MTHFD1: variants seen among roughly 807,000 people sequenced by gnomAD.
The protein encoded by MTHFD1 is C-1-tetrahydrofolate synthase, cytoplasmic.
MTHFD1 carries 44 observed loss-of-function variants against 110.3 expected under a neutral mutation model. That is an observed-to-expected ratio of 0.40 (90% confidence interval 0.31 to 0.51). MTHFD1 has a LOEUF of 0.51. MTHFD1 is among the 20% of genes least tolerant of loss of function. The pLI is 0.60. For missense variants in MTHFD1, 909 were observed against 1,173.1 expected, an observed-to-expected ratio of 0.77 and a Z score of 3.29; for synonymous variants, 402 against 428.8, an observed-to-expected ratio of 0.94 and a Z score of 0.77.
chr14:64,392,345 A>G (rs2077813316), intron 1 of MTHFD1, among the ~76,000 whole-genome samples: 1 of 152,168 alleles, frequency 6.6e-6, no homozygotes, highest in African/African-American at 2.4e-5. Context: ...TTAGTGTTGG[A>G]AGACCCACCT....
chr14:64,434,822 T>G (rs1006290793), intron 15 of MTHFD1, among the ~76,000 whole-genome samples: 11 of 115,196 alleles, frequency 9.5e-5, no homozygotes, highest in Admixed American at 7.3e-4. Flanking sequence ...ATGAATTCTG[T>G]TTTTTTTTTT....
In MTHFD1 at chr14:64,460,020, T is replaced by A; in HGVS notation, c.*266T>A. ...CAAGTTTGCCATCTTGGTGTTGCAA[T>A]ATGAATTACAGCCTTAACAGACTGT... is the stretch of plus-strand genomic sequence containing the variant. On this transcript the variant is annotated 3_prime_UTR_variant, in exon 28 of 28. Transcript: ENST00000652337. 8.8e-7 allele frequency: 1 copy of A among 1,135,840 alleles called. No homozygotes were observed. Among genetic ancestry groups the A allele is most frequent in the Non-Finnish European group, 1.2e-6 (1 of 802,068 alleles). 70.4% of individuals were successfully genotyped at this position (1,135,840 alleles called of 1,614,324 possible).
intron 1 of MTHFD1, among the ~76,000 whole-genome samples, chr14:64,394,181 G>T (rs1596528802): frequency 6.6e-6 from 1 of 152,142 alleles, no homozygotes; most frequent in Non-Finnish European, 1.5e-5. Flanking sequence ...CCACAGTCAA[G>T]ATTCCTCAGC....
intron 11 of MTHFD1, among the ~76,000 whole-genome samples, chr14:64,426,574 G>A (rs779423696): frequency 6.6e-5 from 10 of 152,124 alleles, no homozygotes; most frequent in Non-Finnish European, 1.3e-4. Context: ...AAGTTCAAGC[G>A]GTTCTCCTGC....
At chr14:64,415,551 C>A in intron 5 of MTHFD1, 57 bp downstream of exon 5, 1 of 1,613,440 alleles carries the variant, frequency 6.2e-7, no homozygotes, top group South Asian at 1.1e-5. Context: ...TAATATGTTT[C>A]TATTTGGGGA....
intron 2 of MTHFD1, among the ~76,000 whole-genome samples, chr14:64,401,446 G>T (rs968038982): frequency 5.9e-5 from 9 of 152,194 alleles, no homozygotes; most frequent in African/African-American, 2.2e-4. Context: ...GCTCCTGCCT[G>T]TAATCCAGCA....
chr14:64,397,178 TATATATATATATAAAA>T (rs1566553194), intron 1 of MTHFD1, among the ~76,000 whole-genome samples: 31 of 15,316 alleles, frequency 2.0e-3, no homozygotes, highest in Admixed American at 3.0e-3. Flanking sequence ...TATATATATA[TATATATATATATAAAA>T]AACAGTAATC....
At chr14:64,441,859 C>T in intron 19 of MTHFD1, 195 bp from the exon 20 acceptor site, 1 of 654,708 alleles carries the variant, frequency 1.5e-6, no homozygotes, top group South Asian at 1.7e-5. Flanking sequence ...ACCTTCTCCA[C>T]TTGCTCATCT....
At chr14:64,444,877 G>A in intron 22 of MTHFD1, 143 bp downstream of exon 22, 2 of 819,970 alleles carry the variant, frequency 2.4e-6, no homozygotes, top group Non-Finnish European at 4.2e-6. Context: ...GTGTGCTGAG[G>A]AGTTATATTA....
At chr14:64,393,419 A>G (rs55790839) in intron 1 of MTHFD1, among the ~76,000 whole-genome samples, 58 of 152,244 alleles carry the variant, frequency 3.8e-4, no homozygotes, top group Non-Finnish European at 7.5e-4. Flanking sequence ...GAAAGAAAAA[A>G]AAAAAAAATT....
intron 15 of MTHFD1, among the ~76,000 whole-genome samples, chr14:64,432,750 G>A (rs1485576791): frequency 1.3e-5 from 2 of 152,068 alleles, no homozygotes; most frequent in African/African-American, 2.4e-5. Context: ...GAGGTGTTTT[G>A]TTTTGTTTTT....
intron 1 of MTHFD1, among the ~76,000 whole-genome samples, chr14:64,399,703 T>C (rs1347445433): frequency 1.3e-5 from 2 of 151,822 alleles, no homozygotes; most frequent in Admixed American, 6.6e-5. Context: ...TCACATCTAC[T>C]TGAGGCCTGG....
chr14:64,443,606 C>G (rs1379310928), intron 21 of MTHFD1, among the ~76,000 whole-genome samples: 1 of 152,186 alleles, frequency 6.6e-6, no homozygotes, highest in Non-Finnish European at 1.5e-5. Flanking sequence ...GCCATAACAA[C>G]CCCAGCACCC....
intron 2 of MTHFD1, among the ~76,000 whole-genome samples, chr14:64,404,292 C>T (rs12886138): frequency 0.31 from 47,072 of 152,070 alleles, 8,954 homozygotes; most frequent in South Asian, 0.45. Flanking sequence ...CTTGTTGTTG[C>T]TCATCACCCT....
chr14:64,397,160 T>A (rs1566553088), intron 1 of MTHFD1, among the ~76,000 whole-genome samples: 10 of 10,082 alleles, frequency 9.9e-4, no homozygotes, highest in Admixed American at 1.4e-3. Context: ...TATATATATA[T>A]ATATATATAT....
intron 1 of MTHFD1, among the ~76,000 whole-genome samples, chr14:64,392,165 A>G (rs948317300): frequency 2.0e-4 from 31 of 152,258 alleles, no homozygotes; most frequent in African/African-American, 7.2e-4. Flanking sequence ...AGCCTGTGCC[A>G]TAGACCTTTG....
At chr14:64,406,151 G>C (rs1434159696) in intron 2 of MTHFD1, among the ~76,000 whole-genome samples, 1 of 151,414 alleles carries the variant, frequency 6.6e-6, no homozygotes, top group Non-Finnish European at 1.5e-5. Context: ...TGATTCTCCT[G>C]CCTCAGCCTC....
At position 64,424,851 on chromosome 14, in the gene MTHFD1, G is replaced by C; in HGVS notation, c.775G>C (p.Asp259His). Residue 259 changes from aspartate (D) to histidine (H), a missense_variant, in exon 9 of 28, where the codon GAC (aspartate) becomes CAC (histidine). Coordinates refer to ENST00000652337, the MANE Select transcript of MTHFD1 (RefSeq NM_005956.4). ...AAAAGTTGTGGGTGATGTGGCATACGACGAGGCCAAAGAGAGGGCGAGCTT... is the reference window on the plus strand; with the variant it reads ...AAAAGTTGTGGGTGATGTGGCATACCACGAGGCCAAAGAGAGGGCGAGCTT... ...GRKVVGDVAYDEAKERASFIT... is the reference protein window; with the variant it reads ...GRKVVGDVAYHEAKERASFIT... 1.9e-6 allele frequency: 3 copies of C among 1,614,154 alleles called. No homozygotes were observed. Among genetic ancestry groups the C allele is most frequent in the Non-Finnish European group, 2.5e-6 (3 of 1,180,030 alleles).
intron 15 of MTHFD1, 22 bp downstream of exon 15, chr14:64,431,883 T>C: frequency 6.3e-7 from 1 of 1,597,354 alleles, no homozygotes; most frequent in Non-Finnish European, 8.6e-7. Flanking sequence ...TTCTTCCACA[T>C]TTTTTATATT....
Sources: gnomAD v4.1 joint callset for allele counts (sites outside exome capture counted in the v4.1 genomes callset) on GRCh38, gnomAD v4.1.1 for gene constraint, MANE v1.5 for transcripts, NCBI Gene and HGNC (gene_info 2026-07-23, HGNC 2026-07-21) for gene names.